The following TRA2B variants were observed in gnomAD, a reference collection of about 807,000 sequenced individuals.
TRA2B encodes the protein transformer 2 beta homolog.
A neutral mutation model predicts 41.7 loss-of-function variants in TRA2B; 14 were observed. The observed-to-expected ratio is 0.34, with a 90% CI of 0.22 to 0.53. The LOEUF (loss-of-function observed/expected upper bound fraction) is 0.53, where lower values mean the gene tolerates loss of function less well. TRA2B is among the 20% of genes least tolerant of loss of function. The probability of loss-of-function intolerance (pLI) is 0.95; values close to 1 mark genes in which losing one functional copy is unlikely to be tolerated. For synonymous variants in TRA2B, 130 were observed against 128.8 expected, an observed-to-expected ratio of 1.01 and a Z score of -0.06; for missense variants, 167 against 396.8, an observed-to-expected ratio of 0.42 and a Z score of 4.92.
chr3:185,923,687 G>T, intron 4 of TRA2B, 109 bp downstream of exon 4: 1 of 1,048,638 alleles, frequency 9.5e-7, no homozygotes, highest in Non-Finnish European at 1.3e-6. Context: ...TGGAGAAAAA[G>T]TTCGAAGTAT....
intron 4 of TRA2B, chr3:185,922,900 T>G (rs1422653403): frequency 6.6e-6 from 1 of 152,220 alleles, no homozygotes; most frequent in Non-Finnish European, 1.5e-5. Context: ...AGCTAGTGTT[T>G]ACGCCCAGGC....
At chr3:185,918,092 G>C (rs1324908099) in intron 8 of TRA2B, among the ~76,000 whole-genome samples, 1 of 151,998 alleles carries the variant, frequency 6.6e-6, no homozygotes, top group Admixed American at 6.5e-5. Flanking sequence ...GTAAATGGTG[G>C]AAATACATTA....
chr3:185,937,617 C>CG, intron 1 of TRA2B, among the ~76,000 whole-genome samples: 1 of 152,350 alleles, frequency 6.6e-6, no homozygotes, highest in African/African-American at 2.4e-5. Context: ...ATAAACCCGC[C>CG]GGGGGCCTCC....
intron 1 of TRA2B, chr3:185,937,236 C>T: frequency 1.0e-6 from 1 of 985,928 alleles, no homozygotes; most frequent in Non-Finnish European, 1.2e-6. Context: ...GATTAGTTTC[C>T]ATCTTAAGAG....
intron 1 of TRA2B, chr3:185,934,307 C>T (rs1437211391): frequency 4.1e-6 from 4 of 984,254 alleles, no homozygotes; most frequent in Non-Finnish European, 4.8e-6. Flanking sequence ...ATATTTACCA[C>T]CTACGTTCGG....
chr3:185,919,948 C>T (rs999380052), intron 6 of TRA2B, among the ~76,000 whole-genome samples: 2 of 152,230 alleles, frequency 1.3e-5, no homozygotes, highest in African/African-American at 4.8e-5. Flanking sequence ...TTATCAATGA[C>T]AACTGTGGTC....
chr3:185,931,333 G>A (rs967825716), intron 1 of TRA2B, among the ~76,000 whole-genome samples: 4 of 152,124 alleles, frequency 2.6e-5, no homozygotes, highest in Non-Finnish European at 4.4e-5. Context: ...ATCTAGAGAG[G>A]ACAACATGAA....
At chr3:185,935,560 A>C (rs1424991294) in intron 1 of TRA2B, 1 of 985,332 alleles carries the variant, frequency 1.0e-6, no homozygotes, top group Non-Finnish European at 1.2e-6. Context: ...TGGATTAGAG[A>C]CAGATAAATA....
Position 185,934,374 on chromosome 3 carries a change from T to C in TRA2B, c.36+3451A>G, listed in dbSNP as rs149000537. 1.5e-3 allele frequency: 1,517 copies of C among 985,368 alleles called. 9 individuals carry two copies. The African/African-American group carries it at 0.024, about 16-fold the overall frequency. The allele number at this position is 985,368 out of a possible 1,614,324, so 61.0% of individuals were successfully genotyped here. A position where few individuals can be genotyped will look rare whatever the true frequency, so the allele number is the denominator to read the frequency against. On this transcript the variant is annotated intron_variant, in intron 1 of 8. Coordinates refer to ENST00000453386, the MANE Select transcript of TRA2B (RefSeq NM_004593.3). The stretch of plus-strand genomic sequence containing the variant: ...TATGTAAGGCAAATCCCATTAACAC[T>C]TCCCCCACCACCTGAATTCCTTTTC...
At chr3:185,919,777 T>C (rs192724646) in intron 6 of TRA2B, among the ~76,000 whole-genome samples, 135 of 152,236 alleles carry the variant, frequency 8.9e-4, no homozygotes, top group Non-Finnish European at 7.4e-4. Flanking sequence ...TTTAGTACCA[T>C]TCAATAGAGT....
At chr3:185,926,922 C>G in intron 1 of TRA2B, 188 bp from the exon 2 acceptor site, 1 of 636,712 alleles carries the variant, frequency 1.6e-6, no homozygotes, top group Non-Finnish European at 2.5e-6. Context: ...AGTCAATTAA[C>G]TTGTCCTTTC....
chr3:185,930,605 T>A (rs916359174), intron 1 of TRA2B, among the ~76,000 whole-genome samples: 16 of 152,250 alleles, frequency 1.1e-4, no homozygotes, highest in Non-Finnish European at 2.2e-4. Context: ...TACTACTGGG[T>A]ATTATTTTTG....
chr3:185,925,322 G>C, intron 3 of TRA2B, 142 bp downstream of exon 3: 1 of 933,404 alleles, frequency 1.1e-6, no homozygotes, highest in Non-Finnish European at 1.5e-6. Context: ...TAACTTAAAA[G>C]ACTCTCTCAA....
At chr3:185,927,290 A>C (rs1165435559) in intron 1 of TRA2B, 1 of 152,304 alleles carries the variant, frequency 6.6e-6, no homozygotes, top group African/African-American at 2.4e-5. Flanking sequence ...GTGGAAAGCA[A>C]AGGCTAGCTT....
At chr3:185,922,200 C>A in intron 4 of TRA2B, 74 bp from the exon 5 acceptor site, 2 of 1,043,620 alleles carry the variant, frequency 1.9e-6, no homozygotes, top group Non-Finnish European at 2.9e-6. Flanking sequence ...TGAGTAAGAT[C>A]CCACTGGACA....
In TRA2B at chr3:185,921,137, T is replaced by C. The variant is rs1039651728; in HGVS notation, c.689A>G (p.Tyr230Cys). The stretch of plus-strand genomic sequence containing the variant: ...TCTGCTATAGTAGTCCCGATCATCA[T>C]AGCCCCGATCATATCCTCTGTCATA... ...DYYDRGYDRGYDDRDYYSRSY... is the reference protein window; with the variant it reads ...DYYDRGYDRGCDDRDYYSRSY... Residue 230 changes from tyrosine to cysteine, a missense_variant, in exon 6 of 9, where the codon TAT becomes TGT. Transcript: ENST00000453386. 20 of 1,614,060 alleles carry C rather than the reference T, an allele frequency of 1.2e-5. No homozygotes were observed. Among genetic ancestry groups the C allele is most frequent in the African/African-American group, 9.3e-5 (7 of 74,930 alleles).
At position 185,923,802 on chromosome 3, in the gene TRA2B, G is replaced by A. The variant is rs1238621186; in HGVS notation, c.516C>T (p.Ala172=). ...AFVYFENVDD[A]KEAKERANGM... is the part of the protein sequence containing the mutation. ...GGAACGGGCTTTTACTTACTTCCTT[G>A]GCATCATCTACATTTTCAAAATATA... is the stretch of plus-strand genomic sequence containing the variant. The change falls in exon 4 of 9, where the codon GCC becomes GCT. Residue 172 remains alanine (A), a synonymous_variant. Transcript: ENST00000453386. 1 of 1,608,270 alleles carries A rather than the reference G, an allele frequency of 6.2e-7. No homozygotes were observed. The highest frequency in any genetic ancestry group is 8.5e-7 in the Non-Finnish European group (1 of 1,177,846).
In TRA2B at chr3:185,919,508, G is replaced by A; in HGVS notation, c.723-12C>T. 1.2e-6 allele frequency: 2 copies of A among 1,608,030 alleles called. No homozygotes were observed. Among genetic ancestry groups the A allele is most frequent in the Non-Finnish European group, 1.7e-6 (2 of 1,177,966 alleles). On this transcript the variant is annotated splice_polypyrimidine_tract_variant and intron_variant, in intron 6 of 8. Coordinates refer to ENST00000453386, the MANE Select transcript of TRA2B (RefSeq NM_004593.3). ...CTCCACCTCCTCCTCTGTGAAGACA[G>A]AAAGGCAACACAACACGCATTCAGT...
chr3:185,932,601 A>ATTAAT (rs1028995704), intron 1 of TRA2B, among the ~76,000 whole-genome samples: 17 of 152,202 alleles, frequency 1.1e-4, no homozygotes, highest in Admixed American at 1.0e-3. Context: ...AATTTAGAAA[A>ATTAAT]TATTAAGTCT....
Sources: gnomAD v4.1 joint callset for allele counts (sites outside exome capture counted in the v4.1 genomes callset) on GRCh38, gnomAD v4.1.1 for gene constraint, MANE v1.5 for transcripts, NCBI Gene and HGNC (gene_info 2026-07-23, HGNC 2026-07-21) for gene names.